Variants in INPP5D observed in about 807,000 individuals in gnomAD.
The protein encoded by INPP5D is inositol polyphosphate-5-phosphatase D.
INPP5D carries 33 observed loss-of-function variants against 122.9 expected under a neutral mutation model. The ratio of observed to expected loss-of-function variants is 0.27; its 90% CI spans 0.20 to 0.36. The LOEUF is 0.36. Ranked by LOEUF, INPP5D falls within the 10% of genes least tolerant of loss-of-function variation. The probability of loss-of-function intolerance (pLI) is 1.00; values close to 1 mark genes in which losing one functional copy is unlikely to be tolerated. For missense variants in INPP5D, 1,053 were observed against 1,412.7 expected, an observed-to-expected ratio of 0.75 and a Z score of 4.08; for synonymous variants, 584 against 576.2, an observed-to-expected ratio of 1.01 and a Z score of -0.19.
chr2:233,126,816 A>C (rs1196805326), intron 4 of INPP5D, among the ~76,000 whole-genome samples: 1 of 151,998 alleles, frequency 6.6e-6, no homozygotes, highest in Admixed American at 6.6e-5. Flanking sequence ...GCTATTCGGG[A>C]GGCTGAGGGA....
chr2:233,161,823 A>G lies in INPP5D; in HGVS notation c.1237A>G (p.Met413Val). 1.2e-6 allele frequency: 2 copies of G among 1,612,842 alleles called. No homozygotes were observed. Among genetic ancestry groups the G allele is most frequent in the Non-Finnish European group, 1.7e-6 (2 of 1,179,362 alleles). The change falls in exon 11 of 27, where the codon ATG (methionine) becomes GTG (valine). Residue 413 changes from methionine (M) to valine (V), a missense_variant. Coordinates refer to ENST00000445964, the MANE Select transcript of INPP5D (RefSeq NM_001017915.3). ...CACCATCTTCATCGGCACCTGGAACATGGGTGGGTCCGCGCGCCCCCTCCC... is the reference window on the plus strand; with the variant it reads ...CACCATCTTCATCGGCACCTGGAACGTGGGTGGGTCCGCGCGCCCCCTCCC... ...MITIFIGTWN[M>V]GNAPPPKKIT...
intron 9 of INPP5D, among the ~76,000 whole-genome samples, chr2:233,156,587 G>A (rs36131511): frequency 0.17 from 25,555 of 152,124 alleles, 3,882 homozygotes; most frequent in African/African-American, 0.4. Context: ...GAGCCACCGC[G>A]CCTGGCCCAC....
rs200659618 is a variant in INPP5D, at chr2:233,184,508, G to A, written c.2262G>A (p.Ser754=). Residue 754 remains serine, a synonymous_variant, in exon 20 of 27, where the codon TCG becomes TCA. Transcript: ENST00000445964. The part of the protein sequence containing the change: ...SQTKFYLEFH[S]SCLESFVKSQ... ...CCAAATTCTACCTGGAGTTCCACTCGAGCTGCTTGGAGAGTAAGTGGCTGC... is the reference window on the plus strand; with the variant it reads ...CCAAATTCTACCTGGAGTTCCACTCAAGCTGCTTGGAGAGTAAGTGGCTGC... The A allele has an allele frequency of 8.2e-5, 133 of 1,613,876 alleles. No individual in the cohort carries two copies. The African/African-American group carries it at 1.5e-3, about 18-fold the overall frequency.
intron 5 of INPP5D, chr2:233,134,171 G>T: frequency 2.6e-6 from 1 of 378,652 alleles, no homozygotes; most frequent in Admixed American, 3.0e-5. Flanking sequence ...GGAAGGAGAG[G>T]GTGGTGGGAG....
chr2:233,107,804 G>T (rs1253460664), intron 2 of INPP5D, among the ~76,000 whole-genome samples: 1 of 152,122 alleles, frequency 6.6e-6, no homozygotes, highest in East Asian at 1.9e-4. Context: ...GCCCCAGCTG[G>T]CGGGTGGTTG....
At chr2:233,090,243 A>G (rs148849507) in intron 2 of INPP5D, among the ~76,000 whole-genome samples, 74 of 152,376 alleles carry the variant, frequency 4.9e-4, no homozygotes, top group African/African-American at 1.7e-3. Context: ...TGTTCTTAGC[A>G]GACTGTATTT....
rs1694462749 is a variant in INPP5D, at chr2:233,170,406, T to A, written c.1792-90T>A. 1.9e-6 allele frequency: 3 copies of A among 1,567,254 alleles called. No individual in the cohort carries two copies. The highest frequency in any genetic ancestry group is 1.9e-5 in the Admixed American group (1 of 53,652). ...TGCCACCATCACTCTGCAGCCCGGG[T>A]CATCCAGCTGCCCGCCCCCAGCCCC... On this transcript the variant is annotated intron_variant, in intron 15 of 26. Transcript: ENST00000445964. The surrounding 1 kb of genome is among the most constrained non-coding windows in gnomAD (Gnocchi z 4.5).
chr2:233,068,011 C>A (rs1691271562), intron 1 of INPP5D, among the ~76,000 whole-genome samples: 1 of 152,048 alleles, frequency 6.6e-6, no homozygotes, highest in Admixed American at 6.6e-5. Flanking sequence ...TGGTGCTGGG[C>A]AAGGTGGCTC....
intron 2 of INPP5D, among the ~76,000 whole-genome samples, chr2:233,102,772 C>T (rs374757906): frequency 6.3e-4 from 95 of 151,568 alleles, no homozygotes; most frequent in African/African-American, 2.0e-3. Flanking sequence ...ATGGCATGAA[C>T]CCGGGAAGCG....
At chr2:233,121,117 CTTTCTTTTTTTTTTTTCT>C (rs1162711493) in intron 2 of INPP5D, among the ~76,000 whole-genome samples, 3 of 128,624 alleles carry the variant, frequency 2.3e-5, no homozygotes, top group East Asian at 2.2e-4. Context: ...TTCTTTCTTT[CTTTCTTTTTTTTTTTTCT>C]TTTTTTTTTT....
intron 20 of INPP5D, among the ~76,000 whole-genome samples, chr2:233,184,994 G>A (rs1694876641): frequency 6.6e-6 from 1 of 152,144 alleles, no homozygotes; most frequent in African/African-American, 2.4e-5. Flanking sequence ...CCGAAAGCAA[G>A]CAGGAGATGG....
At chr2:233,159,009 T>G (rs1373582717) in intron 10 of INPP5D, among the ~76,000 whole-genome samples, 1 of 152,118 alleles carries the variant, frequency 6.6e-6, no homozygotes, top group Non-Finnish European at 1.5e-5. Flanking sequence ...CTCGAACTCC[T>G]GGGCTCAGGC....
At chr2:233,088,026 A>C (rs1471131464) in intron 2 of INPP5D, among the ~76,000 whole-genome samples, 1 of 151,830 alleles carries the variant, frequency 6.6e-6, no homozygotes, top group Non-Finnish European at 1.5e-5. Flanking sequence ...CCCATGCTGG[A>C]GTGCAATGGC....
At chr2:233,156,992 A>T (rs1049366563) in intron 9 of INPP5D, among the ~76,000 whole-genome samples, 1 of 152,206 alleles carries the variant, frequency 6.6e-6, no homozygotes, top group Non-Finnish European at 1.5e-5. Flanking sequence ...AATCAGAATG[A>T]CATTGTTTCT....
intron 2 of INPP5D, among the ~76,000 whole-genome samples, chr2:233,118,806 C>T (rs1028902079): frequency 2.0e-5 from 3 of 152,230 alleles, no homozygotes; most frequent in Admixed American, 6.5e-5. Flanking sequence ...CACTTGTCAG[C>T]GGCCATTATC....
At chr2:233,149,453 C>T (rs1403806253) in intron 9 of INPP5D, among the ~76,000 whole-genome samples, 5 of 152,038 alleles carry the variant, frequency 3.3e-5, no homozygotes, top group Non-Finnish European at 7.4e-5. Context: ...ACTGGGAGGA[C>T]CTTGGCAGGG....
At chr2:233,179,138 T>C (rs1308893531) in intron 18 of INPP5D, among the ~76,000 whole-genome samples, 3 of 151,536 alleles carry the variant, frequency 2.0e-5, no homozygotes, top group African/African-American at 7.3e-5. Context: ...TTTAGATGTG[T>C]GGGAAGGCAA....
At chr2:233,179,333 C>T (rs1694726669) in intron 18 of INPP5D, among the ~76,000 whole-genome samples, 1 of 152,278 alleles carries the variant, frequency 6.6e-6, no homozygotes, top group Non-Finnish European at 1.5e-5. Flanking sequence ...GTCCTTCCCA[C>T]ATCCTGCAGC....
rs60886467 is a variant in INPP5D, at chr2:233,177,160, C to T, written c.1990-105C>T. The T allele has an allele frequency of 0.01, 14,639 of 1,462,314 alleles. 1,224 individuals carry two copies. The African/African-American group carries it at 0.18, about 18-fold the overall frequency. 90.6% of individuals were successfully genotyped at this position (1,462,314 alleles called of 1,614,324 possible). A position where few individuals can be genotyped will look rare whatever the true frequency, so the allele number is the denominator to read the frequency against. On this transcript the variant is annotated intron_variant, in intron 17 of 26. Transcript: ENST00000445964. This position sits in a 1 kb window ranked among gnomAD's most constrained non-coding sequence, Gnocchi z 4.2. ...GGAAATTCTATAAAAAGCCAACAGCCGATGAATTTGAGGATTACAGAGGCC... is the reference window on the plus strand; with the variant it reads ...GGAAATTCTATAAAAAGCCAACAGCTGATGAATTTGAGGATTACAGAGGCC...
Sources: allele counts gnomAD v4.1 joint callset (sites outside exome capture counted in the v4.1 genomes callset), GRCh38; gene constraint gnomAD v4.1.1; non-coding constraint Gnocchi (gnomAD v3.1); transcripts MANE v1.5; gene names NCBI Gene and HGNC (gene_info 2026-07-23, HGNC 2026-07-21).